TULP3: variants seen among roughly 807,000 people sequenced by gnomAD.
TULP3 encodes TUB like protein 3, also known as tubby-related protein 3.
TULP3 carries 38 observed loss-of-function variants against 50.7 expected under a neutral mutation model. The observed-to-expected ratio is 0.75, with a 90% confidence interval of 0.58 to 0.98. TULP3 has a LOEUF of 0.98. Ranked by LOEUF, TULP3 falls within the 50% of genes least tolerant of loss-of-function variation. The pLI, the probability that TULP3 is intolerant of heterozygous loss-of-function variation, is 0.00. For missense variants in TULP3, 550 were observed against 568.0 expected (o/e 0.97, Z 0.32); for synonymous variants, 183 against 196.6 (o/e 0.93, Z 0.58).
intron 2 of TULP3, among the ~76,000 whole-genome samples, chr12:2,914,125 CTT>C (rs71057862): frequency 6.1e-5 from 8 of 130,626 alleles, no homozygotes; most frequent in Admixed American, 8.1e-5. Context: ...ATAAATAATT[CTT>C]TTTTTTTTTT....
intron 5 of TULP3, 131 bp downstream of exon 5, chr12:2,930,476 T>A (rs2098197323): frequency 1.7e-6 from 1 of 582,972 alleles, no homozygotes; most frequent in Non-Finnish European, 2.8e-6. Flanking sequence ...CAGGCTGGAG[T>A]GCAGTGGCAT....
At chr12:2,927,365 G>C (rs1452397201) in intron 4 of TULP3, among the ~76,000 whole-genome samples, 3 of 70,828 alleles carry the variant, frequency 4.2e-5, no homozygotes, top group Non-Finnish European at 8.3e-5. Context: ...AGTTGAGACT[G>C]ATTTTTTTTT....
chr12:2,916,978 C>T (rs2098189024), intron 2 of TULP3, among the ~76,000 whole-genome samples: 1 of 152,110 alleles, frequency 6.6e-6, no homozygotes, highest in African/African-American at 2.4e-5. Context: ...GGCAGGAACA[C>T]TGTGGTCAGG....
At chr12:2,899,919 C>A (rs67293242) in intron 1 of TULP3, among the ~76,000 whole-genome samples, 1,489 of 46,544 alleles carry the variant, frequency 0.032, 84 homozygotes, top group African/African-American at 0.11. Context: ...AAAAAAAAAA[C>A]AAAAAAAACT....
At chr12:2,921,305 A>G (rs1361655761) in intron 3 of TULP3, among the ~76,000 whole-genome samples, 5 of 152,034 alleles carry the variant, frequency 3.3e-5, no homozygotes, top group Non-Finnish European at 4.4e-5. Flanking sequence ...ATGCCCGGCT[A>G]ATTTTTTTAT....
intron 2 of TULP3, among the ~76,000 whole-genome samples, chr12:2,912,307 C>G (rs2098186131): frequency 6.6e-6 from 1 of 152,118 alleles, no homozygotes. Context: ...TAAGTTAGAG[C>G]CAAGATGGAG....
Position 2,931,040 on chromosome 12 carries a change from A to G in TULP3, c.496A>G (p.Thr166Ala). Residue 166 changes from threonine to alanine, a missense_variant, in exon 6 of 11, where the codon ACA (threonine) becomes GCA (alanine). Physicochemically the swap from Thr to Ala is moderately conservative, Grantham distance 58. Coordinates refer to ENST00000448120, the MANE Select transcript of TULP3 (RefSeq NM_003324.5). ...TCATGTATGGCTGTCCTTTCAGGATACAGGCACTTCCGGTTCTGCTACTGC... is the reference window on the plus strand; with the variant it reads ...TCATGTATGGCTGTCCTTTCAGGATGCAGGCACTTCCGGTTCTGCTACTGC... Reference protein sequence around the residue: ...NSASSQNSTDTGTSGSATAAQ... With the variant: ...NSASSQNSTDAGTSGSATAAQ... 2 of 1,614,136 alleles carry G rather than the reference A, an allele frequency of 1.2e-6. No individual in the cohort carries two copies. Among genetic ancestry groups the G allele is most frequent in the Non-Finnish European group, 1.7e-6 (2 of 1,180,030 alleles).
intron 1 of TULP3, among the ~76,000 whole-genome samples, chr12:2,906,621 G>A (rs1231834980): frequency 2.6e-5 from 4 of 151,126 alleles, no homozygotes; most frequent in African/African-American, 4.9e-5. Flanking sequence ...GAGCCACTGC[G>A]TCTGGCCTAA....
At chr12:2,936,817 G>GA (rs2098201535) in intron 8 of TULP3, among the ~76,000 whole-genome samples, 1 of 151,812 alleles carries the variant, frequency 6.6e-6, no homozygotes, top group Non-Finnish European at 1.5e-5. Context: ...GGTGTTTAAA[G>GA]AAGGTATAGG....
At chr12:2,896,525 CT>C (rs1238769967) in intron 1 of TULP3, among the ~76,000 whole-genome samples, 1 of 152,138 alleles carries the variant, frequency 6.6e-6, no homozygotes, top group Non-Finnish European at 1.5e-5. Flanking sequence ...AATTTGGGCT[CT>C]TTCGCTGATC....
chr12:2,928,617 T>C (rs1036249834), intron 4 of TULP3, among the ~76,000 whole-genome samples: 1 of 152,092 alleles, frequency 6.6e-6, no homozygotes, highest in Admixed American at 6.6e-5. Context: ...ATTTTTTTTT[T>C]ACTGTGGTAA....
At chr12:2,906,389 C>T (rs367964619) in intron 1 of TULP3, among the ~76,000 whole-genome samples, 118 of 150,990 alleles carry the variant, frequency 7.8e-4, no homozygotes, top group South Asian at 4.8e-3. Context: ...GGTGCAGTGG[C>T]GCAATCTTGG....
At chr12:2,892,851 A>C (rs775367589) in intron 1 of TULP3, among the ~76,000 whole-genome samples, 43 of 142,576 alleles carry the variant, frequency 3.0e-4, no homozygotes, top group African/African-American at 5.8e-4. Flanking sequence ...TTTAAATTTT[A>C]TTTTCTTTTC....
Position 2,890,991 on chromosome 12 carries a change from C to G in TULP3, c.41+3C>G, listed in dbSNP as rs1439294903. ...CGGCTCAGTCCCAGCGGCGACAGGTCAGACAGGGCCGTGGCAGGTCTCCTC... is the reference window on the plus strand; with the variant it reads ...CGGCTCAGTCCCAGCGGCGACAGGTGAGACAGGGCCGTGGCAGGTCTCCTC... On this transcript the variant is annotated splice_donor_region_variant and intron_variant, in intron 1 of 10. Transcript: ENST00000448120. 3.1e-6 allele frequency: 5 copies of G among 1,587,892 alleles called. No homozygotes were observed. The highest frequency in any genetic ancestry group is 4.3e-6 in the Non-Finnish European group (5 of 1,168,188).
intron 1 of TULP3, among the ~76,000 whole-genome samples, chr12:2,904,878 C>A (rs376106960): frequency 4.6e-5 from 7 of 152,078 alleles, no homozygotes; most frequent in East Asian, 3.9e-4. Context: ...GTGGTCAGAT[C>A]ATCTTTACCT....
chr12:2,940,543 C>G lies in TULP3; in HGVS notation c.*1099C>G. On this transcript the variant is annotated 3_prime_UTR_variant, in exon 11 of 11. Coordinates refer to ENST00000448120, the MANE Select transcript of TULP3 (RefSeq NM_003324.5). Reference sequence around the variant, plus strand: ...CACCCTTCCCAGAATGTATCCAAACCTTGAGAATGCAGGAGCTCTGTGAGC... The same window carrying G: ...CACCCTTCCCAGAATGTATCCAAACGTTGAGAATGCAGGAGCTCTGTGAGC... 1 of 1,550,094 alleles carries G rather than the reference C, an allele frequency of 6.5e-7. No individual in the cohort carries two copies. Among genetic ancestry groups the G allele is most frequent in the African/African-American group, 1.4e-5 (1 of 73,150 alleles).
chr12:2,905,566 A>G (rs908468686), intron 1 of TULP3, among the ~76,000 whole-genome samples: 3 of 152,106 alleles, frequency 2.0e-5, no homozygotes, highest in Admixed American at 6.6e-5. Context: ...GAACTCGGAG[A>G]AAGTGTGACT....
intron 7 of TULP3, among the ~76,000 whole-genome samples, chr12:2,933,891 C>T (rs927824177): frequency 2.0e-5 from 3 of 151,794 alleles, no homozygotes; most frequent in African/African-American, 4.8e-5. Flanking sequence ...CAGAGGTTGC[C>T]GTGAGCCAAG....
At chr12:2,893,098 A>AGT (rs1160246543) in intron 1 of TULP3, among the ~76,000 whole-genome samples, 1 of 150,390 alleles carries the variant, frequency 6.6e-6, no homozygotes, top group Non-Finnish European at 1.5e-5. Context: ...AGTGAGCTCA[A>AGT]GTGATCTGCC....
Sources: gnomAD v4.1 joint callset for allele counts (sites outside exome capture counted in the v4.1 genomes callset) on GRCh38, gnomAD v4.1.1 for gene constraint, MANE v1.5 for transcripts, NCBI Gene and HGNC (gene_info 2026-07-23, HGNC 2026-07-21) for gene names.